NAV3: variants seen among roughly 807,000 people sequenced by gnomAD.
The protein encoded by NAV3 is pore membrane and/or filament interacting like protein 1.
In NAV3, 87 loss-of-function variants were observed where a neutral mutation model predicts 244.7. The ratio of observed to expected loss-of-function variants is 0.36; its 90% CI spans 0.30 to 0.42. NAV3 has a LOEUF of 0.42. Among genes scored for constraint, NAV3 ranks in the 20% least tolerant of loss-of-function variants. NAV3 has a pLI of 1.00. For missense variants in NAV3, 2,663 were observed against 2,893.3 expected, an observed-to-expected ratio of 0.92 and a Z score of 1.83; for synonymous variants, 1,126 against 1,042.2, an observed-to-expected ratio of 1.08 and a Z score of -1.55.
rs528401761 is a variant in NAV3, at chr12:77,641,344, G to A, written c.72+69078G>A. On this transcript the variant is annotated intron_variant, in intron 2 of 8. Transcript: ENST00000550042. ...CCGAGTTGGGATGACATCACAGAGC[G>A]GCAGAAATAAGACCTCAGTCAAGAC... Among the ~76,000 whole-genome samples, 12 of 151,988 alleles carry A rather than the reference G, an allele frequency of 7.9e-5. No homozygotes were observed. The South Asian group carries it at 2.5e-3, about 32-fold the overall frequency.
chr12:77,808,955 G>C (rs949622980), intron 2 of NAV3, among the ~76,000 whole-genome samples: 1 of 152,150 alleles, frequency 6.6e-6, no homozygotes, highest in African/African-American at 2.4e-5. Context: ...CGAATTTTCC[G>C]GTGGCTTTTT....
At chr12:77,733,287 G>T (rs1245661263) in intron 2 of NAV3, among the ~76,000 whole-genome samples, 34 of 151,776 alleles carry the variant, frequency 2.2e-4, no homozygotes, top group Admixed American at 2.2e-3. Context: ...TTTGTGGCTT[G>T]GATAATTAGA....
intron 12 of NAV3, among the ~76,000 whole-genome samples, chr12:78,084,254 T>A (rs1953508680): frequency 1.3e-5 from 2 of 152,156 alleles, no homozygotes; most frequent in Non-Finnish European, 2.9e-5. Flanking sequence ...ATGGAAGAAA[T>A]CCAAATATCA....
At chr12:77,810,528 A>G (rs923554440) in intron 2 of NAV3, among the ~76,000 whole-genome samples, 2 of 152,160 alleles carry the variant, frequency 1.3e-5, no homozygotes. Context: ...GAATAATTGA[A>G]TGGTTTAAAT....
At chr12:77,894,314 T>A (rs2136800316) in intron 1 of NAV3, among the ~76,000 whole-genome samples, 1 of 152,260 alleles carries the variant, frequency 6.6e-6, no homozygotes, top group African/African-American at 2.4e-5. Context: ...AGATAAAGGT[T>A]AGAGAAAATG....
intron 2 of NAV3, among the ~76,000 whole-genome samples, chr12:77,788,321 CG>C (rs1871003341): frequency 6.6e-6 from 1 of 152,130 alleles, no homozygotes; most frequent in Non-Finnish European, 1.5e-5. Flanking sequence ...GGTTTAAATG[CG>C]GCATTTACTT....
chr12:77,846,407 G>T (rs547676436), intron 1 of NAV3, among the ~76,000 whole-genome samples: 42 of 152,258 alleles, frequency 2.8e-4, no homozygotes, highest in African/African-American at 1.0e-3. Context: ...GGATAAATAC[G>T]AAAATGTTGG....
intron 2 of NAV3, among the ~76,000 whole-genome samples, chr12:77,604,076 G>A (rs550761339): frequency 6.6e-6 from 1 of 152,140 alleles, no homozygotes; most frequent in Non-Finnish European, 1.5e-5. Context: ...GTGGAGTGAA[G>A]GACTTAAGAG....
At chr12:78,014,093 A>G (rs1012505148) in intron 8 of NAV3, among the ~76,000 whole-genome samples, 32 of 152,096 alleles carry the variant, frequency 2.1e-4, no homozygotes, top group Non-Finnish European at 4.0e-4. Flanking sequence ...TTTCAAGGAC[A>G]TGTGAAATAA....
intron 12 of NAV3, among the ~76,000 whole-genome samples, chr12:78,091,350 CTT>C (rs1953922341): frequency 6.6e-6 from 1 of 152,138 alleles, no homozygotes; most frequent in Admixed American, 6.5e-5. Context: ...AGGCATAACT[CTT>C]TGATTAATGT....
intron 2 of NAV3, 145 bp from the exon 3 acceptor site, chr12:77,940,936 G>A: frequency 3.5e-6 from 2 of 577,996 alleles, no homozygotes; most frequent in East Asian, 3.0e-5. Context: ...GTGTCTTCTT[G>A]TACACTGCTT....
intron 2 of NAV3, among the ~76,000 whole-genome samples, chr12:77,705,023 G>T (rs902334954): frequency 6.6e-6 from 1 of 152,202 alleles, no homozygotes; most frequent in Non-Finnish European, 1.5e-5. Context: ...AGAGAAGCAG[G>T]ATGGAGTAGT....
intron 34 of NAV3, among the ~76,000 whole-genome samples, chr12:78,191,575 A>T (rs1958983682): frequency 6.6e-6 from 1 of 152,152 alleles, no homozygotes. Context: ...AATTCTGAAT[A>T]TTTCCTTGGA....
chr12:77,738,605 C>T (rs760333661), intron 2 of NAV3, among the ~76,000 whole-genome samples: 3 of 152,230 alleles, frequency 2.0e-5, no homozygotes, highest in Non-Finnish European at 4.4e-5. Flanking sequence ...GATGATTACA[C>T]AGGCATATGC....
At position 77,731,976 on chromosome 12, in the gene NAV3, A is replaced by C. The variant is rs374113459; in HGVS notation, c.72+159710A>C. Among the ~76,000 whole-genome samples the C allele has an allele frequency of 2.0e-5, 3 of 151,900 alleles. No homozygotes were observed. The East Asian group carries it at 5.8e-4, about 29-fold the overall frequency. ...ACAGTTTTCATATGGGAGGAGCTCG[A>C]ATAGGTTTATAGGCTACAGAGAACG... On this transcript the variant is annotated intron_variant, in intron 2 of 8. Coordinates refer to the NAV3 transcript ENST00000550042.
At chr12:77,637,819 T>G (rs2136941448) in intron 2 of NAV3, among the ~76,000 whole-genome samples, 1 of 152,342 alleles carries the variant, frequency 6.6e-6, no homozygotes, top group Non-Finnish European at 1.5e-5. Flanking sequence ...ATTAAGAAAC[T>G]GATGTATGCT....
chr12:78,074,798 T>C (rs1952961151), intron 12 of NAV3, among the ~76,000 whole-genome samples: 1 of 152,166 alleles, frequency 6.6e-6, no homozygotes, highest in Non-Finnish European at 1.5e-5. Context: ...CTAATTCTGA[T>C]TTGAGATGTA....
chr12:77,905,953 G>T (rs1885922916), intron 1 of NAV3, among the ~76,000 whole-genome samples: 1 of 152,126 alleles, frequency 6.6e-6, no homozygotes, highest in Non-Finnish European at 1.5e-5. Context: ...GATCTACTGG[G>T]TAGTTAACTG....
At chr12:78,208,853 A>G (rs1402748539) in intron 39 of NAV3, among the ~76,000 whole-genome samples, 1 of 152,168 alleles carries the variant, frequency 6.6e-6, no homozygotes, top group Non-Finnish European at 1.5e-5. Flanking sequence ...TTTACAGATC[A>G]GTTTCACCCA....
Sources: gnomAD v4.1 joint callset for allele counts (sites outside exome capture counted in the v4.1 genomes callset) on GRCh38, gnomAD v4.1.1 for gene constraint, MANE v1.5 for transcripts, NCBI Gene and HGNC (gene_info 2026-07-23, HGNC 2026-07-21) for gene names.